The following MFAP3 variants were observed in gnomAD, a reference collection of about 807,000 sequenced individuals.
MFAP3 encodes the protein microfibril associated protein 3, also known as microfibril-associated glycoprotein 3.
MFAP3 carries 8 observed loss-of-function variants against 20.5 expected under a neutral mutation model. The observed-to-expected ratio is 0.39, with a 90% CI of 0.23 to 0.70. The LOEUF is 0.70. MFAP3 is among the 30% of genes least tolerant of loss of function. The pLI, the probability that MFAP3 is intolerant of heterozygous loss-of-function variation, is 0.44. For synonymous variants in MFAP3, 140 were observed against 154.0 expected (o/e 0.91, Z 0.67); for missense variants, 398 against 444.6 (o/e 0.90, Z 0.94).
intron 2 of MFAP3, chr5:154,051,859 G>A (rs1020064469): frequency 2.0e-5 from 3 of 152,160 alleles, no homozygotes; most frequent in Non-Finnish European, 4.4e-5. Context: ...TGAAGATTGG[G>A]CACTCAAGTA....
Position 154,055,900 on chromosome 5 carries a change from G to A in MFAP3, c.*2187G>A, listed in dbSNP as rs1440135637. Among the ~76,000 whole-genome samples the A allele has an allele frequency of 6.6e-6, 1 of 152,128 alleles. No individual in the cohort carries two copies. Among genetic ancestry groups the A allele is most frequent in the Non-Finnish European group, 1.5e-5 (1 of 68,028 alleles). Reference sequence around the variant, plus strand: ...TGAGATTACAGGCATGAGCCACTGTGCCTGGCCAAAAAACATTTTAAATCC... The same window carrying A: ...TGAGATTACAGGCATGAGCCACTGTACCTGGCCAAAAAACATTTTAAATCC... On this transcript the variant is annotated 3_prime_UTR_variant, in exon 3 of 3. Transcript: ENST00000522782.
At position 154,055,139 on chromosome 5, in the gene MFAP3, G is replaced by A. The variant is rs1021211092; in HGVS notation, c.*1426G>A. On this transcript the variant is annotated 3_prime_UTR_variant, in exon 3 of 3. Coordinates refer to ENST00000522782, the MANE Select transcript of MFAP3 (RefSeq NM_005927.5). ...GCCATATAATTTTAAGAACTTGGCAGTGGAGCTCCATTTGGGGCTTCACGT... is the reference window on the plus strand; with the variant it reads ...GCCATATAATTTTAAGAACTTGGCAATGGAGCTCCATTTGGGGCTTCACGT... The A allele has an allele frequency of 4.2e-5, 7 of 167,084 alleles. No homozygotes were observed. The highest frequency in any genetic ancestry group is 1.7e-4 in the African/African-American group (7 of 41,444). 10.4% of individuals were successfully genotyped at this position (167,084 alleles called of 1,614,324 possible). A position where few individuals can be genotyped will look rare whatever the true frequency, so the allele number is the denominator to read the frequency against.
intron 1 of MFAP3, among the ~76,000 whole-genome samples, chr5:154,042,497 T>C (rs1286780549): frequency 1.3e-4 from 20 of 152,212 alleles, no homozygotes; most frequent in Non-Finnish European, 1.6e-4. Context: ...TAGAAACTTT[T>C]GAGTAAATGG....
At position 154,055,383 on chromosome 5, in the gene MFAP3, T is replaced by C. The variant is rs1249506943; in HGVS notation, c.*1670T>C. On this transcript the variant is annotated 3_prime_UTR_variant, in exon 3 of 3. Transcript: ENST00000522782. ...TAGCATGAATGAATCAATGTGCAGTTTTATCAGATGGCATCATGGATAAAG... is the reference window on the plus strand; with the variant it reads ...TAGCATGAATGAATCAATGTGCAGTCTTATCAGATGGCATCATGGATAAAG... Among the ~76,000 whole-genome samples the C allele has an allele frequency of 1.3e-5, 2 of 152,210 alleles. No individual in the cohort carries two copies. The highest frequency in any genetic ancestry group is 4.8e-5 in the African/African-American group (2 of 41,452).
At position 154,052,930 on chromosome 5, in the gene MFAP3, G is replaced by A; in HGVS notation, c.306G>A (p.Trp102Ter). The change falls in exon 3 of 3, where the codon TGG (tryptophan) becomes TGA (stop). Residue 102 changes from tryptophan (W) to a stop codon, truncating the protein, a stop_gained. Transcript: ENST00000522782. LOFTEE classifies it high-confidence loss of function. ...QLDGRSRGGK[W>*]LVSDNFLNIT... is the part of the protein sequence containing the mutation. ...CTGTTCAATTATCAGGTGGAAAGTG[G>A]TTGGTTTCTGATAACTTCCTAAACA... The A allele has an allele frequency of 6.2e-7, 1 of 1,609,042 alleles. No homozygotes were observed.
intron 1 of MFAP3, among the ~76,000 whole-genome samples, chr5:154,047,033 T>A (rs1393550428): frequency 6.6e-6 from 1 of 152,184 alleles, no homozygotes; most frequent in African/African-American, 2.4e-5. Context: ...TTTACCACAA[T>A]TTTTTAGCTG....
Position 154,055,311 on chromosome 5 carries a change from T to C in MFAP3, c.*1598T>C, listed in dbSNP as rs1304570301. Among the ~76,000 whole-genome samples, 3 of 152,216 alleles carry C rather than the reference T, an allele frequency of 2.0e-5. No individual in the cohort carries two copies. The highest frequency in any genetic ancestry group is 7.2e-5 in the African/African-American group (3 of 41,456). ...TCAAAGCGTGACGGGATAAAACTCA[T>C]GCCTCCCTTTGTCCAGGCTTATCAG... On this transcript the variant is annotated 3_prime_UTR_variant, in exon 3 of 3. Coordinates refer to ENST00000522782, the MANE Select transcript of MFAP3 (RefSeq NM_005927.5).
intron 1 of MFAP3, among the ~76,000 whole-genome samples, chr5:154,047,679 G>A (rs1773098972): frequency 6.6e-6 from 1 of 152,102 alleles, no homozygotes; most frequent in African/African-American, 2.4e-5. Context: ...TTAAATAAAT[G>A]TGAAAGTAAA....
At chr5:154,041,169 A>G (rs994626452) in intron 1 of MFAP3, among the ~76,000 whole-genome samples, 2 of 151,972 alleles carry the variant, frequency 1.3e-5, no homozygotes, top group East Asian at 3.9e-4. Context: ...GAGGGTGGGC[A>G]TGAGAGGGTT....
intron 2 of MFAP3, chr5:154,051,979 T>C (rs1773201631): frequency 1.3e-5 from 2 of 150,962 alleles, no homozygotes; most frequent in Non-Finnish European, 2.9e-5. Flanking sequence ...ATGGCTTTCA[T>C]AGTTAAAGCA....
chr5:154,053,168 A>G lies in MFAP3; in HGVS notation c.544A>G (p.Lys182Glu). 2 of 1,613,896 alleles carry G rather than the reference A, an allele frequency of 1.2e-6. No homozygotes were observed. Among genetic ancestry groups the G allele is most frequent in the South Asian group, 2.2e-5 (2 of 91,078 alleles). Residue 182 changes from lysine (K) to glutamate (E), a missense_variant, in exon 3 of 3, where the codon AAG becomes GAG. Physicochemically the swap from Lys to Glu is moderately conservative, Grantham distance 56 (BLOSUM62 1). Transcript: ENST00000522782. ...MMSSHLRKTE[K>E]AINEFFRTEG... ...GAGCAGCCATCTTCGCAAGACTGAG[A>G]AGGCTATCAATGAGTTCTTTAGAAC...
intron 1 of MFAP3, among the ~76,000 whole-genome samples, chr5:154,049,208 C>T (rs1773125649): frequency 1.3e-5 from 2 of 152,120 alleles, no homozygotes; most frequent in South Asian, 4.1e-4. Context: ...TAAAATTTGT[C>T]AGAATGAAAT....
intron 1 of MFAP3, among the ~76,000 whole-genome samples, chr5:154,048,767 C>T (rs971801336): frequency 6.6e-6 from 1 of 152,166 alleles, no homozygotes; most frequent in Non-Finnish European, 1.5e-5. Context: ...TTTCTACTAA[C>T]TAGACACTTA....
chr5:154,039,701 C>T (rs527604458), intron 1 of MFAP3, among the ~76,000 whole-genome samples: 1 of 152,074 alleles, frequency 6.6e-6, no homozygotes, highest in Non-Finnish European at 1.5e-5. Context: ...CTGTTGCCCT[C>T]GAGCAGTGAA....
intron 2 of MFAP3, among the ~76,000 whole-genome samples, chr5:154,050,282 T>G (rs1773158633): frequency 6.6e-6 from 1 of 152,186 alleles, no homozygotes; most frequent in South Asian, 2.1e-4. Flanking sequence ...TCAGTTGGTT[T>G]TCTTCTTCAT....
rs201865007 is a variant in MFAP3 at position 154,049,721 on chromosome 5, C to T, written c.-2C>T. 22 of 1,606,252 alleles carry T rather than the reference C, an allele frequency of 1.4e-5. No individual in the cohort carries two copies. The East Asian group carries it at 4.7e-4, about 34-fold the overall frequency. On this transcript the variant is annotated 5_prime_UTR_variant, in exon 2 of 3. Transcript: ENST00000522782. ...CTAAACAAGATTTTGTCCCATTTTC[C>T]CATGAAGCTACATTGTTGCTTATTC...
At position 154,053,737 on chromosome 5, in the gene MFAP3, C is replaced by G. The variant is rs1341247058; in HGVS notation, c.*24C>G. ...AACCTACAATGCTGTAACCCAGTAC[C>G]TACAAAATCAGCTCGCTCTCAGAAA... On this transcript the variant is annotated 3_prime_UTR_variant, in exon 3 of 3. Transcript: ENST00000522782. The G allele has an allele frequency of 3.2e-6, 5 of 1,551,880 alleles. No individual in the cohort carries two copies. The highest frequency in any genetic ancestry group is 4.4e-6 in the Non-Finnish European group (5 of 1,148,784).
Position 154,053,126 on chromosome 5 carries a change from A to G in MFAP3, c.502A>G (p.Thr168Ala), listed in dbSNP as rs1435484157. 1 of 1,613,914 alleles carries G rather than the reference A, an allele frequency of 6.2e-7. No homozygotes were observed. The highest frequency in any genetic ancestry group is 1.1e-5 in the South Asian group (1 of 91,072). ...TACAATCACACTCATCTTGAATGTC[A>G]CACGGCTGTGCATGATGAGCAGCCA... ...AFTITLILNVTRLCMMSSHLR... is the reference protein window; with the variant it reads ...AFTITLILNVARLCMMSSHLR... Residue 168 changes from threonine (T) to alanine (A), a missense_variant, in exon 3 of 3, where the codon ACA becomes GCA. By Grantham distance (58) the Thr-to-Ala change is moderately conservative. Transcript: ENST00000522782.
intron 1 of MFAP3, among the ~76,000 whole-genome samples, chr5:154,042,890 G>C (rs1357283260): frequency 6.6e-6 from 1 of 151,662 alleles, no homozygotes; most frequent in Non-Finnish European, 1.5e-5. Context: ...CATTTTCCCA[G>C]AACTATTTCT....
Sources: gnomAD v4.1 joint callset for allele counts (sites outside exome capture counted in the v4.1 genomes callset) on GRCh38, gnomAD v4.1.1 for gene constraint, MANE v1.5 for transcripts, NCBI Gene and HGNC (gene_info 2026-07-23, HGNC 2026-07-21) for gene names.